DIP2C: variants seen among roughly 807,000 people sequenced by gnomAD.
The protein encoded by DIP2C is DIP2 acetate--CoA ligase C (putative), also known as disco-interacting protein 2 homolog C.
Under a neutral mutation model 192.4 loss-of-function variants are expected in DIP2C, and 33 were observed. The ratio of observed to expected loss-of-function variants is 0.17; its 90% CI spans 0.13 to 0.23. The LOEUF is 0.23. DIP2C is among the 10% of genes least tolerant of loss of function. The pLI is 1.00. For missense variants in DIP2C, 1,537 were observed against 2,110.1 expected (o/e 0.73, Z 5.32); for synonymous variants, 979 against 864.1 (o/e 1.13, Z -2.33).
In DIP2C at chr10:468,094, G is replaced by A. The variant is rs374783978; in HGVS notation, c.268+4345C>T. 1.4e-4 allele frequency among the ~76,000 whole-genome samples: 22 copies of A among 152,196 alleles called. No homozygotes were observed. In the East Asian group the frequency reaches 2.3e-3, roughly 16 times the overall value. On this transcript the variant is annotated intron_variant, in intron 3 of 36. Transcript: ENST00000280886. ...CCTTGTGAATGATTCCAGTCTTCGC[G>A]GTCGGTTCAGGAGAAAGAAAAAAGC...
chr10:346,491 C>G (rs1484304598), intron 26 of DIP2C, among the ~76,000 whole-genome samples: 4 of 66,672 alleles, frequency 6.0e-5, no homozygotes, highest in Admixed American at 3.4e-4. Context: ...TCCCGGAAAC[C>G]CCACACGCAC....
At position 651,144 on chromosome 10, in the gene DIP2C, C is replaced by A. The variant is rs1231945156; in HGVS notation, c.85+38350G>T. 2 of 717,562 alleles carry A rather than the reference C, an allele frequency of 2.8e-6. No individual in the cohort carries two copies. Among genetic ancestry groups the A allele is most frequent in the Middle Eastern group, 4.6e-4 (2 of 4,372 alleles). 44.4% of individuals were successfully genotyped at this position (717,562 alleles called of 1,614,324 possible). On this transcript the variant is annotated intron_variant, in intron 1 of 36. Coordinates refer to ENST00000280886, the MANE Select transcript of DIP2C (RefSeq NM_014974.3). The surrounding 1 kb of genome is among the most constrained non-coding windows in gnomAD (Gnocchi z 4.1). ...ACACTCAGTCAATGTCCACTGGGGG[C>A]CTCAGGGGCACCTCCACCTGCCCAG...
rs182844017 is a variant in DIP2C, at chr10:340,684, A to G, written c.3584+515T>C. The G allele has an allele frequency of 2.0e-5, 9 of 447,742 alleles. No homozygotes were observed. The Admixed American group carries it at 2.1e-4, about 11-fold the overall frequency. 27.7% of individuals were successfully genotyped at this position (447,742 alleles called of 1,614,324 possible). Reference sequence around the variant, plus strand: ...TTTTCTGGTCATTCATTCATCCCATAAATACTTGCTGAGCACCTGCTGTAA... The same window carrying G: ...TTTTCTGGTCATTCATTCATCCCATGAATACTTGCTGAGCACCTGCTGTAA... On this transcript the variant is annotated intron_variant, in intron 29 of 36. Coordinates refer to ENST00000280886, the MANE Select transcript of DIP2C (RefSeq NM_014974.3).
chr10:303,822 C>G (rs984317581), intron 32 of DIP2C, among the ~76,000 whole-genome samples: 11 of 152,124 alleles, frequency 7.2e-5, no homozygotes, highest in Non-Finnish European at 1.3e-4. Flanking sequence ...CGCGCCTGGC[C>G]GAAAGTTTTT....
intron 1 of DIP2C, among the ~76,000 whole-genome samples, chr10:532,788 G>T (rs1015056118): frequency 1.3e-5 from 2 of 151,794 alleles, no homozygotes; most frequent in Admixed American, 1.3e-4. Context: ...AGAGAGTATG[G>T]GTGTGTGGTG....
At chr10:492,964 G>C (rs892536256) in intron 1 of DIP2C, among the ~76,000 whole-genome samples, 3 of 152,194 alleles carry the variant, frequency 2.0e-5, no homozygotes, top group African/African-American at 4.8e-5. Context: ...AGTCCCTGAA[G>C]GGCTTAGAAA....
At chr10:375,048 G>A (rs536069385) in intron 17 of DIP2C, among the ~76,000 whole-genome samples, 1 of 152,326 alleles carries the variant, frequency 6.6e-6, no homozygotes, top group Admixed American at 6.5e-5. Context: ...TATGGAAGGA[G>A]CAAAATACGT....
chr10:642,984 A>ATGATGTCAGAGATCGAGACCATCCTGG (rs1855276389), intron 1 of DIP2C, among the ~76,000 whole-genome samples: 1 of 151,812 alleles, frequency 6.6e-6, no homozygotes, highest in Non-Finnish European at 1.5e-5. Flanking sequence ...TGGGCAGATC[A>ATGATGTCAGAGATCGAGACCATCCTGG]CTTGAGGCCA....
At chr10:386,137 G>C (rs967910162) in intron 14 of DIP2C, among the ~76,000 whole-genome samples, 1 of 152,212 alleles carries the variant, frequency 6.6e-6, no homozygotes, top group Non-Finnish European at 1.5e-5. Context: ...GGAAAGTTGG[G>C]TGTTCTAATG....
At chr10:491,606 A>G (rs1844452597) in intron 1 of DIP2C, among the ~76,000 whole-genome samples, 1 of 152,220 alleles carries the variant, frequency 6.6e-6, no homozygotes, top group Admixed American at 6.5e-5. Context: ...AGGGTCCCCC[A>G]TGGGCCAGCT....
intron 24 of DIP2C, among the ~76,000 whole-genome samples, chr10:352,446 T>TCCA (rs1958866617): frequency 6.6e-6 from 1 of 152,234 alleles, no homozygotes; most frequent in Non-Finnish European, 1.5e-5. Context: ...CCAGGCACGC[T>TCCA]CCACGAGGAC....
At chr10:565,606 C>T (rs990584829) in intron 1 of DIP2C, among the ~76,000 whole-genome samples, 3 of 152,228 alleles carry the variant, frequency 2.0e-5, no homozygotes, top group African/African-American at 7.2e-5. Context: ...GGAATTCACA[C>T]ATGCTAAAGG....
At chr10:305,685 C>A (rs889138674) in intron 32 of DIP2C, among the ~76,000 whole-genome samples, 1 of 152,162 alleles carries the variant, frequency 6.6e-6, no homozygotes, top group Non-Finnish European at 1.5e-5. Flanking sequence ...TGCTCCATTG[C>A]CCAGGCTGGA....
At chr10:548,202 T>TACCCCCC (rs1329096929) in intron 1 of DIP2C, among the ~76,000 whole-genome samples, 7 of 58,260 alleles carry the variant, frequency 1.2e-4, no homozygotes, top group African/African-American at 3.9e-4. Flanking sequence ...CACACGAGTC[T>TACCCCCC]GCCCCACCCC....
At chr10:413,727 T>C (rs552288230) in intron 8 of DIP2C, among the ~76,000 whole-genome samples, 186 bp downstream of exon 8, 2 of 151,412 alleles carry the variant, frequency 1.3e-5, no homozygotes, top group Non-Finnish European at 2.9e-5. Context: ...TTACCTTAAG[T>C]GAGGATTTAA....
chr10:600,600 C>CT (rs1488453049), intron 1 of DIP2C, among the ~76,000 whole-genome samples: 1 of 146,908 alleles, frequency 6.8e-6, no homozygotes, highest in Non-Finnish European at 1.5e-5. Context: ...CCCTCTCCAC[C>CT]TTAAAGAGGG....
Position 524,495 on chromosome 10 carries a change from CAT to C in DIP2C, c.86-37967_86-37966del, listed in dbSNP as rs569603636. ...TTTTCCTCTACTTTTATATACCTTACATATATATGTGTATATGTGCAAATGTA... is the reference window on the plus strand; with the variant it reads ...TTTTCCTCTACTTTTATATACCTTACATATATGTGTATATGTGCAAATGTA... On this transcript the variant is annotated intron_variant, in intron 1 of 36. Transcript: ENST00000280886. Among the ~76,000 whole-genome samples, 1,119 of 152,166 alleles carry C rather than the reference CAT, an allele frequency of 7.4e-3. 12 individuals carry two copies. The highest frequency in any genetic ancestry group is 0.013 in the Non-Finnish European group (857 of 68,004).
intron 32 of DIP2C, among the ~76,000 whole-genome samples, chr10:304,942 A>G (rs1373352726): frequency 6.6e-6 from 1 of 152,208 alleles, no homozygotes; most frequent in Non-Finnish European, 1.5e-5. Context: ...ATTTGTATGC[A>G]CACACACGAC....
rs151032893 is a variant in DIP2C, at chr10:652,768, A to C, written c.85+36726T>G. 590 of 151,914 alleles carry C rather than the reference A, an allele frequency of 3.9e-3. 1 individual carries two copies. The highest frequency in any genetic ancestry group is 6.7e-3 in the Non-Finnish European group (457 of 67,992). 9.4% of individuals were successfully genotyped at this position (151,914 alleles called of 1,614,324 possible). A position where few individuals can be genotyped will look rare whatever the true frequency, so the allele number is the denominator to read the frequency against. ...GGTATTTTCTATCCTCCTCAAGCAC[A>C]GAACCGCACGCAGAGTGATTTTTTT... On this transcript the variant is annotated intron_variant, in intron 1 of 36. Transcript: ENST00000280886. This position sits in a 1 kb window ranked among gnomAD's most constrained non-coding sequence, Gnocchi z 4.5.
Sources: gnomAD v4.1 joint callset for allele counts (sites outside exome capture counted in the v4.1 genomes callset) on GRCh38, gnomAD v4.1.1 for gene constraint, Gnocchi (gnomAD v3.1) non-coding constraint, MANE v1.5 for transcripts, NCBI Gene and HGNC (gene_info 2026-07-23, HGNC 2026-07-21) for gene names.